The following SNX18 variants were observed in gnomAD, a reference collection of about 807,000 sequenced individuals.
SNX18 encodes the protein sorting nexin 18, also known as sorting nexin-18.
Under a neutral mutation model 48.7 loss-of-function variants are expected in SNX18, and 35 were observed. The ratio of observed to expected loss-of-function variants is 0.72; its 90% CI spans 0.55 to 0.95. SNX18 has a LOEUF of 0.95. Ranked by LOEUF, SNX18 falls within the 40% of genes least tolerant of loss-of-function variation. The pLI, the probability that SNX18 is intolerant of heterozygous loss-of-function variation, is 0.00. For synonymous variants in SNX18, 492 were observed against 384.7 expected, an observed-to-expected ratio of 1.28 and a Z score of -3.26; for missense variants, 824 against 871.0, an observed-to-expected ratio of 0.95 and a Z score of 0.68.
chr5:54,625,592 G>A, the SNX18 span, among the ~76,000 whole-genome samples: 1 of 152,162 alleles, frequency 6.6e-6, no homozygotes, highest in Non-Finnish European at 1.5e-5. Context: ...TAATCTCAGA[G>A]GGTGGCATCC....
In SNX18 at chr5:54,542,001, G is replaced by T. The variant is rs142888233; in HGVS notation, c.1622-1178G>T. On this transcript the variant is annotated intron_variant, in intron 1 of 1. Coordinates refer to ENST00000381410, the MANE Select transcript of SNX18 (RefSeq NM_001102575.2). Reference sequence around the variant, plus strand: ...AAGGTTCCTGGTTCCCTCCTCAGTAGTACTGTGTTCTCAGACTGCCAAGCC... The same window carrying T: ...AAGGTTCCTGGTTCCCTCCTCAGTATTACTGTGTTCTCAGACTGCCAAGCC... Among the ~76,000 whole-genome samples, 15 of 152,202 alleles carry T rather than the reference G, an allele frequency of 9.9e-5. No homozygotes were observed. In the East Asian group the frequency reaches 2.9e-3, roughly 29 times the overall value.
At chr5:54,533,749 C>CAAGT (rs1431997474) in intron 1 of SNX18, among the ~76,000 whole-genome samples, 1 of 152,194 alleles carries the variant, frequency 6.6e-6, no homozygotes, top group African/African-American at 2.4e-5. Context: ...CTGTGATGAT[C>CAAGT]AAGTGGCTGG....
At chr5:54,530,678 C>T (rs1762237555) in intron 1 of SNX18, among the ~76,000 whole-genome samples, 1 of 149,354 alleles carries the variant, frequency 6.7e-6, no homozygotes, top group Non-Finnish European at 1.5e-5. Flanking sequence ...AAAGTATTTA[C>T]CTCAAAAAAG....
the SNX18 span, among the ~76,000 whole-genome samples, chr5:54,610,234 G>A: frequency 6.6e-6 from 1 of 152,118 alleles, no homozygotes; most frequent in East Asian, 1.9e-4. Context: ...GACTTAGGTA[G>A]GTATCTGAAT....
intron 1 of SNX18, among the ~76,000 whole-genome samples, chr5:54,540,246 C>CT (rs1415971436): frequency 6.6e-6 from 1 of 151,190 alleles, no homozygotes. Context: ...GGGTTTTACT[C>CT]TGTCACCTAG....
chr5:54,594,074 C>A, the SNX18 span, among the ~76,000 whole-genome samples: 1 of 152,154 alleles, frequency 6.6e-6, no homozygotes, highest in Admixed American at 6.5e-5. Context: ...TCATACAAAG[C>A]AACCCTACTC....
In SNX18 at chr5:54,543,464, T is replaced by C; in HGVS notation, c.*32T>C. 1 of 1,601,936 alleles carries C rather than the reference T, an allele frequency of 6.2e-7. No individual in the cohort carries two copies. The highest frequency in any genetic ancestry group is 8.5e-7 in the Non-Finnish European group (1 of 1,173,142). On this transcript the variant is annotated 3_prime_UTR_variant, in exon 2 of 2. Transcript: ENST00000381410. ...GACGTTGGATTATGGACTTTTTCAG[T>C]TCAAGGATAATTTCTACAGCAGAAT...
chr5:54,603,018 G>A, the SNX18 span, among the ~76,000 whole-genome samples: 3 of 152,176 alleles, frequency 2.0e-5, no homozygotes, highest in African/African-American at 7.2e-5. Flanking sequence ...AATTGGGGGA[G>A]AAACCTCATG....
chr5:54,522,450 C>T (rs1032287774), intron 1 of SNX18, among the ~76,000 whole-genome samples: 6 of 152,314 alleles, frequency 3.9e-5, no homozygotes, highest in African/African-American at 1.4e-4. Context: ...TAACTATCAA[C>T]CCCATCGTAA....
chr5:54,615,403 T>G, the SNX18 span, among the ~76,000 whole-genome samples: 1 of 151,744 alleles, frequency 6.6e-6, no homozygotes. Flanking sequence ...GTACCCCAAG[T>G]CTGCCTCATG....
At chr5:54,532,879 A>G (rs1377643538) in intron 1 of SNX18, among the ~76,000 whole-genome samples, 2 of 152,234 alleles carry the variant, frequency 1.3e-5, no homozygotes, top group Non-Finnish European at 1.5e-5. Context: ...CATAGTAACT[A>G]AAATAATCAT....
the SNX18 span, among the ~76,000 whole-genome samples, chr5:54,569,118 C>T: frequency 6.6e-6 from 1 of 151,994 alleles, no homozygotes; most frequent in Non-Finnish European, 1.5e-5. Context: ...GCTGGGATTA[C>T]AGGCATGAGC....
At chr5:54,578,817 C>A in the SNX18 span, among the ~76,000 whole-genome samples, 280 of 152,264 alleles carry the variant, frequency 1.8e-3, 1 homozygote, top group African/African-American at 6.6e-3. Flanking sequence ...TCTCTTACAA[C>A]CACTTTTCTT....
At chr5:54,553,572 C>T in the SNX18 span, among the ~76,000 whole-genome samples, 2 of 152,318 alleles carry the variant, frequency 1.3e-5, no homozygotes, top group East Asian at 3.9e-4. Flanking sequence ...CTCTTATTAT[C>T]TATTAAGTAC....
At chr5:54,608,747 C>T in the SNX18 span, among the ~76,000 whole-genome samples, 1 of 152,170 alleles carries the variant, frequency 6.6e-6, no homozygotes, top group Non-Finnish European at 1.5e-5. Flanking sequence ...TCTTAGTTCC[C>T]TATATTCAAG....
chr5:54,595,039 A>G, the SNX18 span, among the ~76,000 whole-genome samples: 2 of 152,162 alleles, frequency 1.3e-5, no homozygotes, highest in African/African-American at 4.8e-5. Context: ...TCTGTGGTGT[A>G]TATATACTAC....
chr5:54,646,076 A>G, the SNX18 span: 1 of 152,044 alleles, frequency 6.6e-6, no homozygotes, highest in Non-Finnish European at 1.5e-5. Context: ...AAGAACATTT[A>G]CTGGATTTGG....
At chr5:54,599,213 C>T in the SNX18 span, among the ~76,000 whole-genome samples, 1 of 152,032 alleles carries the variant, frequency 6.6e-6, no homozygotes, top group East Asian at 1.9e-4. Flanking sequence ...GAAAGGAATC[C>T]ATCCTTTTCA....
At chr5:54,555,063 C>T in the SNX18 span, among the ~76,000 whole-genome samples, 4 of 152,220 alleles carry the variant, frequency 2.6e-5, no homozygotes, top group East Asian at 1.9e-4. Flanking sequence ...CTGGAAATCA[C>T]GCCAGCCAGC....
Sources: gnomAD v4.1 joint callset for allele counts (sites outside exome capture counted in the v4.1 genomes callset) on GRCh38, gnomAD v4.1.1 for gene constraint, MANE v1.5 for transcripts, NCBI Gene and HGNC (gene_info 2026-07-23, HGNC 2026-07-21) for gene names.